GCNT1: variants seen among roughly 807,000 people sequenced by gnomAD.
GCNT1 encodes beta-1,3-galactosyl-O-glycosyl-glycoprotein beta-1,6-N-acetylglucosaminyltransferase.
Under a neutral mutation model 26.2 loss-of-function variants are expected in GCNT1, and 16 were observed. That is an observed-to-expected ratio of 0.61 (90% confidence interval 0.41 to 0.93). GCNT1 has a LOEUF of 0.93. GCNT1 is among the 40% of genes least tolerant of loss of function. The probability of loss-of-function intolerance (pLI) is 0.00; values close to 1 mark genes in which losing one functional copy is unlikely to be tolerated. For missense variants in GCNT1, 477 were observed against 526.7 expected (o/e 0.91, Z 0.92); for synonymous variants, 183 against 190.8 (o/e 0.96, Z 0.34).
At chr9:76,418,998 A>G (rs1823155441), upstream of GCNT1, among the ~76,000 whole-genome samples, 1 of 152,130 alleles carries the variant, frequency 6.6e-6, no homozygotes, top group South Asian at 2.1e-4. Context: ...GGAGAGACAA[A>G]ATGTTAGTGG....
chr9:76,502,890 C>G lies in GCNT1; in HGVS notation c.509C>G (p.Ala170Gly). The G allele has an allele frequency of 6.2e-7, 1 of 1,613,948 alleles. No individual in the cohort carries two copies. Among genetic ancestry groups the G allele is most frequent in the South Asian group, 1.1e-5 (1 of 91,086 alleles). The change falls in exon 4 of 4, where the codon GCT (alanine) becomes GGT (glycine). Residue 170 changes from alanine (A) to glycine (G), a missense_variant. Coordinates refer to ENST00000376730, the MANE Select transcript of GCNT1 (RefSeq NM_001490.5). ...DSYLAAVMGI[A>G]SCFSNVFVAS... ...TATTTAGCTGCAGTGATGGGCATCG[C>G]TTCCTGTTTTAGTAATGTCTTTGTG...
the GCNT1 span, among the ~76,000 whole-genome samples, chr9:76,405,014 T>C: frequency 6.6e-6 from 1 of 151,876 alleles, no homozygotes; most frequent in Non-Finnish European, 1.5e-5. Flanking sequence ...AGATGGGGTT[T>C]TGCCATGTTG....
upstream of GCNT1, among the ~76,000 whole-genome samples, chr9:76,458,986 G>A (rs1823809876): frequency 6.6e-6 from 1 of 152,276 alleles, no homozygotes; most frequent in Non-Finnish European, 1.5e-5. Context: ...CAGTGAGGAA[G>A]AGGAGCGAGG....
chr9:76,394,270 G>A, the GCNT1 span: 4 of 1,238,930 alleles, frequency 3.2e-6, no homozygotes, highest in East Asian at 2.9e-5. Context: ...CGGGGGACAG[G>A]AGCGTGAGCT....
chr9:76,428,292 T>TAAAAAAA (rs1279001629), intron 1 of GCNT1, among the ~76,000 whole-genome samples: 15 of 85,906 alleles, frequency 1.7e-4, no homozygotes, highest in Non-Finnish European at 2.8e-4. Flanking sequence ...AAAAAAAACT[T>TAAAAAAA]AAAAAAAAAA....
chr9:76,498,508 C>T (rs949384955), intron 2 of GCNT1, among the ~76,000 whole-genome samples: 1 of 152,114 alleles, frequency 6.6e-6, no homozygotes, highest in African/African-American at 2.4e-5. Flanking sequence ...TGCAGTGGCT[C>T]ACCCCTGTAA....
chr9:76,483,972 G>A (rs1245116105), intron 2 of GCNT1, among the ~76,000 whole-genome samples: 1 of 152,102 alleles, frequency 6.6e-6, no homozygotes, highest in Admixed American at 6.5e-5. Flanking sequence ...GTGCCACCAT[G>A]CCTGGCCTGA....
the GCNT1 span, among the ~76,000 whole-genome samples, chr9:76,413,653 G>GTTTTTTTTTTTTTGTT: frequency 4.2e-4 from 50 of 118,642 alleles, no homozygotes; most frequent in Non-Finnish European, 7.4e-4. Flanking sequence ...GTTTTGTTTT[G>GTTTTTTTTTTTTTGTT]TTTTTTTTTT....
chr9:76,467,900 T>TG (rs1186301358), intron 2 of GCNT1, among the ~76,000 whole-genome samples: 47 of 106,136 alleles, frequency 4.4e-4, no homozygotes, highest in African/African-American at 1.2e-3. Context: ...TTTCAGTGTT[T>TG]TTTTTTTTTT....
At chr9:76,413,653 G>GTTTTTTTTTTTTTGTTTTT in the GCNT1 span, among the ~76,000 whole-genome samples, 11 of 118,658 alleles carry the variant, frequency 9.3e-5, no homozygotes, top group Non-Finnish European at 1.4e-4. Context: ...GTTTTGTTTT[G>GTTTTTTTTTTTTTGTTTTT]TTTTTTTTTT....
chr9:76,439,011 CT>C (rs1252670165), upstream of GCNT1, among the ~76,000 whole-genome samples: 2 of 152,100 alleles, frequency 1.3e-5, no homozygotes, highest in Admixed American at 6.5e-5. Flanking sequence ...CTTTTCTTTT[CT>C]CGTCAGACTT....
At chr9:76,470,509 T>G (rs551585771) in intron 2 of GCNT1, among the ~76,000 whole-genome samples, 3 of 150,600 alleles carry the variant, frequency 2.0e-5, no homozygotes, top group South Asian at 2.1e-4. Context: ...GGAGGCTGAG[T>G]TGGGAGGATT....
chr9:76,495,322 C>T (rs1824877036), intron 2 of GCNT1, among the ~76,000 whole-genome samples: 1 of 152,246 alleles, frequency 6.6e-6, no homozygotes, highest in Non-Finnish European at 1.5e-5. Flanking sequence ...CCATTGAGTT[C>T]ATGGTCTCGC....
At chr9:76,491,603 C>T (rs1225640141) in intron 2 of GCNT1, among the ~76,000 whole-genome samples, 1 of 152,208 alleles carries the variant, frequency 6.6e-6, no homozygotes, top group Non-Finnish European at 1.5e-5. Flanking sequence ...CTTTCAAGTA[C>T]TGTTACATCA....
rs377636884 is a variant in GCNT1, at chr9:76,494,054, C to T, written c.-289-6862C>T. Among the ~76,000 whole-genome samples, 1,014 of 152,100 alleles carry T rather than the reference C, an allele frequency of 6.7e-3. 7 individuals are homozygous for T. The highest frequency in any genetic ancestry group is 0.012 in the Admixed American group (184 of 15,280). ...CCCATCTGAAAGAAAAAACCACCCG[C>T]GGTTTTGGTTTGTTCCCCGCCCCCC... On this transcript the variant is annotated intron_variant, in intron 2 of 3. Transcript: ENST00000376730.
upstream of GCNT1, among the ~76,000 whole-genome samples, chr9:76,416,984 T>G (rs1248794189): frequency 6.6e-6 from 1 of 152,048 alleles, no homozygotes; most frequent in Non-Finnish European, 1.5e-5. Flanking sequence ...CATTTGAACC[T>G]GGGAGATGGA....
chr9:76,487,687 G>A (rs113843757), intron 2 of GCNT1, among the ~76,000 whole-genome samples: 34 of 151,730 alleles, frequency 2.2e-4, no homozygotes, highest in African/African-American at 8.0e-4. Context: ...TTTCTTCTTC[G>A]GTTAGATCTC....
chr9:76,440,547 G>A (rs1823470496), upstream of GCNT1, among the ~76,000 whole-genome samples: 1 of 152,156 alleles, frequency 6.6e-6, no homozygotes, highest in African/African-American at 2.4e-5. Flanking sequence ...GTGTCCCCCT[G>A]CCCTGTGTGG....
intron 2 of GCNT1, among the ~76,000 whole-genome samples, chr9:76,488,516 G>T (rs1033232968): frequency 6.6e-6 from 1 of 152,086 alleles, no homozygotes; most frequent in Non-Finnish European, 1.5e-5. Context: ...CTGGAGTCTT[G>T]CTCTGTTGCT....
Sources: gnomAD v4.1 joint callset for allele counts (sites outside exome capture counted in the v4.1 genomes callset) on GRCh38, gnomAD v4.1.1 for gene constraint, MANE v1.5 for transcripts, NCBI Gene and HGNC (gene_info 2026-07-23, HGNC 2026-07-21) for gene names.